SLIT3: variants seen among roughly 807,000 people sequenced by gnomAD.
SLIT3 encodes slit guidance ligand 3, also known as slit homolog 3 protein.
A neutral mutation model predicts 184.0 loss-of-function variants in SLIT3; 68 were observed. That is an observed-to-expected ratio of 0.37 (90% CI 0.30 to 0.45). The LOEUF is 0.45. SLIT3 is among the 20% of genes least tolerant of loss of function. SLIT3 has a pLI of 1.00. For missense variants in SLIT3, 1,707 were observed against 2,026.0 expected, an observed-to-expected ratio of 0.84 and a Z score of 3.02; for synonymous variants, 831 against 828.6, an observed-to-expected ratio of 1.00 and a Z score of -0.05.
At chr5:168,908,500 T>G (rs901241917) in intron 4 of SLIT3, among the ~76,000 whole-genome samples, 1 of 152,276 alleles carries the variant, frequency 6.6e-6, no homozygotes, top group South Asian at 2.1e-4. Flanking sequence ...GAATTAATAG[T>G]GTCTCCAATT....
intron 3 of SLIT3, among the ~76,000 whole-genome samples, chr5:169,224,788 G>A (rs1004160582): frequency 6.6e-6 from 1 of 152,158 alleles, no homozygotes; most frequent in Non-Finnish European, 1.5e-5. Flanking sequence ...CAGGGTTCAA[G>A]CTGTTCTCAT....
At chr5:168,672,994 C>T (rs1056719704) in intron 33 of SLIT3, among the ~76,000 whole-genome samples, 183 bp downstream of exon 33, 1 of 152,160 alleles carries the variant, frequency 6.6e-6, no homozygotes, top group Non-Finnish European at 1.5e-5. Flanking sequence ...CCTTTCCAAG[C>T]ACCTGTCCCA....
chr5:169,059,585 C>T (rs1053402761), intron 4 of SLIT3, among the ~76,000 whole-genome samples: 3 of 152,192 alleles, frequency 2.0e-5, no homozygotes, highest in Admixed American at 6.5e-5. Context: ...TTCCAGCCCA[C>T]ACATGTAATT....
chr5:168,712,517 C>T (rs1462592189), intron 23 of SLIT3, 163 bp from the exon 24 acceptor site: 1 of 634,080 alleles, frequency 1.6e-6, no homozygotes. Context: ...CATGAATGTT[C>T]TATGCCCAGC....
At chr5:169,258,034 A>G (rs964701650) in intron 1 of SLIT3, among the ~76,000 whole-genome samples, 1 of 152,164 alleles carries the variant, frequency 6.6e-6, no homozygotes, top group Admixed American at 6.5e-5. Flanking sequence ...CAGCAACCAT[A>G]TATGGTAGGT....
At chr5:168,777,961 C>G (rs576703956) in intron 12 of SLIT3, among the ~76,000 whole-genome samples, 1 of 152,142 alleles carries the variant, frequency 6.6e-6, no homozygotes, top group Non-Finnish European at 1.5e-5. Context: ...TATTATGGAG[C>G]AAATAGAGAG....
At chr5:168,675,751 G>A (rs866742911) in intron 32 of SLIT3, among the ~76,000 whole-genome samples, 1 of 152,290 alleles carries the variant, frequency 6.6e-6, no homozygotes, top group African/African-American at 2.4e-5. Flanking sequence ...CTGGGAAAAT[G>A]TGAGCAGTTA....
intron 4 of SLIT3, among the ~76,000 whole-genome samples, chr5:169,016,336 G>C (rs531609447): frequency 6.6e-6 from 1 of 152,254 alleles, no homozygotes; most frequent in South Asian, 2.1e-4. Flanking sequence ...TCACAGAAAT[G>C]CAACACTTCT....
At chr5:169,109,449 C>T (rs753975741) in intron 4 of SLIT3, among the ~76,000 whole-genome samples, 9 of 152,230 alleles carry the variant, frequency 5.9e-5, no homozygotes, top group African/African-American at 9.6e-5. Context: ...ACCAACACCT[C>T]GTTTACAGTC....
intron 35 of SLIT3, 141 bp from the exon 36 acceptor site, chr5:168,666,830 C>T (rs1404729822): frequency 2.3e-6 from 3 of 1,326,484 alleles, no homozygotes; most frequent in South Asian, 1.3e-5. Context: ...CCTACCCTCC[C>T]CTCCATCCAC....
intron 2 of SLIT3, 87 bp downstream of exon 2, chr5:169,251,301 A>C: frequency 2.3e-6 from 2 of 879,124 alleles, no homozygotes; most frequent in East Asian, 4.9e-5. Flanking sequence ...AGGGCTTGGG[A>C]GTGTGATGTC....
chr5:169,092,881 T>C (rs1018444375), intron 4 of SLIT3, among the ~76,000 whole-genome samples: 4 of 152,242 alleles, frequency 2.6e-5, no homozygotes, highest in Non-Finnish European at 4.4e-5. Context: ...ATTTGCCATC[T>C]ACATCAGCTA....
intron 1 of SLIT3, among the ~76,000 whole-genome samples, chr5:169,299,081 C>T (rs557386936): frequency 6.6e-6 from 1 of 152,266 alleles, no homozygotes; most frequent in Admixed American, 6.5e-5. Context: ...CCTTTATTGC[C>T]GTCAACTTGC....
At chr5:168,702,754 A>G (rs1379351374) in intron 26 of SLIT3, among the ~76,000 whole-genome samples, 1 of 152,166 alleles carries the variant, frequency 6.6e-6, no homozygotes, top group Non-Finnish European at 1.5e-5. Context: ...AGTGACTAAA[A>G]TACTTTTTCA....
At chr5:168,860,738 T>C (rs1384407011) in intron 5 of SLIT3, among the ~76,000 whole-genome samples, 1 of 152,326 alleles carries the variant, frequency 6.6e-6, no homozygotes, top group East Asian at 1.9e-4. Context: ...ACAGGATGAC[T>C]AGGAATAGCC....
At chr5:168,935,571 G>C (rs1762134242) in intron 4 of SLIT3, among the ~76,000 whole-genome samples, 2 of 152,284 alleles carry the variant, frequency 1.3e-5, no homozygotes, top group Middle Eastern at 3.4e-3. Flanking sequence ...CCATTCTTTG[G>C]TCATGACGCC....
intron 4 of SLIT3, among the ~76,000 whole-genome samples, chr5:168,933,402 C>T (rs1474386888): frequency 5.3e-5 from 8 of 152,272 alleles, no homozygotes; most frequent in African/African-American, 1.9e-4. Context: ...ATTAGTGGGG[C>T]ATGGTGGTAT....
intron 4 of SLIT3, among the ~76,000 whole-genome samples, chr5:169,146,631 A>G (rs940535687): frequency 1.3e-5 from 2 of 152,064 alleles, no homozygotes; most frequent in African/African-American, 4.8e-5. Context: ...CTCACCCACC[A>G]GGATGCTCTC....
intron 6 of SLIT3, among the ~76,000 whole-genome samples, chr5:168,827,087 C>T (rs1342259998): frequency 6.6e-6 from 1 of 152,164 alleles, no homozygotes; most frequent in Non-Finnish European, 1.5e-5. Context: ...TTAATTCCTC[C>T]AATTATCCCA....
Sources: gnomAD v4.1 joint callset for allele counts (sites outside exome capture counted in the v4.1 genomes callset) on GRCh38, gnomAD v4.1.1 for gene constraint, MANE v1.5 for transcripts, NCBI Gene and HGNC (gene_info 2026-07-23, HGNC 2026-07-21) for gene names.